Variants in MSH3 observed in about 807,000 individuals in gnomAD.
MSH3 encodes the protein DNA mismatch repair protein Msh3.
In MSH3, 106 loss-of-function variants were observed where a neutral mutation model predicts 123.3. The ratio of observed to expected loss-of-function variants is 0.86; its 90% confidence interval spans 0.73 to 1.01. The LOEUF is 1.01. MSH3 is among the 50% of genes least tolerant of loss of function. The pLI is 0.00. For missense variants in MSH3, 1,459 were observed against 1,347.6 expected, an observed-to-expected ratio of 1.08 and a Z score of -1.29; for synonymous variants, 515 against 481.4, an observed-to-expected ratio of 1.07 and a Z score of -0.91.
At chr5:80,867,513 G>A (rs1198170226) in intron 22 of MSH3, among the ~76,000 whole-genome samples, 2 of 152,222 alleles carry the variant, frequency 1.3e-5, no homozygotes, top group African/African-American at 4.8e-5. Context: ...GATGGGCCTA[G>A]ATGAATCAGG....
At position 80,779,018 on chromosome 5, in the gene MSH3, G is replaced by A. The variant is rs190707298; in HGVS notation, c.2435+182G>A. Among the ~76,000 whole-genome samples the A allele has an allele frequency of 2.3e-3, 321 of 139,024 alleles. 1 individual carries two copies. The highest frequency in any genetic ancestry group is 6.5e-3 in the South Asian group (29 of 4,448). The allele number at this position is 139,024 out of a possible 152,430, so 91.2% of individuals were successfully genotyped here. On this transcript the variant is annotated intron_variant, in intron 17 of 23. Transcript: ENST00000265081. ...TTTACTTTTTTTTTTTTGATACTGA[G>A]TCTTGCTTTGTCACCGAGGCTGGAG... is the stretch of plus-strand genomic sequence containing the variant.
rs958313570 is a variant in MSH3 at position 80,871,547 on chromosome 5, G to C, written c.3131-1569G>C. Among the ~76,000 whole-genome samples the C allele has an allele frequency of 2.0e-5, 3 of 152,122 alleles. No homozygotes were observed. The South Asian group carries it at 6.2e-4, about 32-fold the overall frequency. On this transcript the variant is annotated intron_variant, in intron 22 of 23. Transcript: ENST00000265081. ...GCTCTTGCCAAGCCTCCCAATATCTGCTTCCAAGCCCACTCATGTGGCTGT... is the reference window on the plus strand; with the variant it reads ...GCTCTTGCCAAGCCTCCCAATATCTCCTTCCAAGCCCACTCATGTGGCTGT...
At chr5:80,862,897 ATT>A (rs1746037780) in intron 21 of MSH3, among the ~76,000 whole-genome samples, 1 of 152,232 alleles carries the variant, frequency 6.6e-6, no homozygotes, top group Non-Finnish European at 1.5e-5. Context: ...TTTAATCAAC[ATT>A]TAATAACGAC....
Position 80,725,525 on chromosome 5 carries a change from A to G in MSH3, c.1413A>G (p.Ala471=). 6 of 1,614,022 alleles carry G rather than the reference A, an allele frequency of 3.7e-6. No homozygotes were observed. Among genetic ancestry groups the G allele is most frequent in the Non-Finnish European group, 5.1e-6 (6 of 1,179,924 alleles). The change falls in exon 9 of 24, where the codon GCA becomes GCG. Residue 471 remains alanine, a synonymous_variant. Transcript: ENST00000265081. ...IYFEYSHAFQ[A]VTEFYAKDTV... ...TTGAATACAGCCATGCTTTCCAGGC[A>G]GTTACAGAGTTTTATGCAAAAGATA...
At chr5:80,796,528 C>G (rs796172442) in intron 19 of MSH3, among the ~76,000 whole-genome samples, 5 of 149,594 alleles carry the variant, frequency 3.3e-5, no homozygotes, top group Admixed American at 1.3e-4. Context: ...AAAGAACTTA[C>G]GTAAAATTCA....
rs1005425343 is a variant in MSH3, at chr5:80,755,918, C to T, written c.1764-5628C>T. Among the ~76,000 whole-genome samples, 7 of 151,988 alleles carry T rather than the reference C, an allele frequency of 4.6e-5. No individual in the cohort carries two copies. The East Asian group carries it at 9.6e-4, about 21-fold the overall frequency. On this transcript the variant is annotated intron_variant, in intron 12 of 23. Coordinates refer to ENST00000265081, the MANE Select transcript of MSH3 (RefSeq NM_002439.5). ...TTTCTAAGAATTCTTAACCACAGGC[C>T]CTCCCTCATAGATTTTCAGTTTCAA...
At chr5:80,872,533 C>T (rs1450734350) in intron 22 of MSH3, among the ~76,000 whole-genome samples, 1 of 150,448 alleles carries the variant, frequency 6.6e-6, no homozygotes, top group African/African-American at 2.5e-5. Context: ...CATCCTGGCG[C>T]AGTGGCTCAC....
At chr5:80,689,089 G>T (rs1750167242) in intron 8 of MSH3, among the ~76,000 whole-genome samples, 1 of 152,184 alleles carries the variant, frequency 6.6e-6, no homozygotes, top group South Asian at 2.1e-4. Flanking sequence ...GTGGTCACAG[G>T]ATGAGAAAAG....
In MSH3 at chr5:80,665,447, G is replaced by A; in HGVS notation, c.579+84G>A. ...GTCAGGTTCTCTGAGGTCATTCATG[G>A]CAATGGTTCCTAAACTTGGATGGTC... On this transcript the variant is annotated intron_variant, in intron 3 of 23. Transcript: ENST00000265081. 3.9e-6 allele frequency: 4 copies of A among 1,037,404 alleles called. No individual in the cohort carries two copies. In the South Asian group the frequency reaches 5.5e-5, roughly 14 times the overall value. The allele number at this position is 1,037,404 out of a possible 1,614,324, so 64.3% of individuals were successfully genotyped here.
rs1580071875 is a variant in MSH3 at position 80,823,529 on chromosome 5, T to C, written c.2813+9788T>C. 3.3e-5 allele frequency among the ~76,000 whole-genome samples: 5 copies of C among 152,184 alleles called. No individual in the cohort carries two copies. In the East Asian group the frequency reaches 9.6e-4, roughly 29 times the overall value. On this transcript the variant is annotated intron_variant, in intron 20 of 23. Coordinates refer to ENST00000265081, the MANE Select transcript of MSH3 (RefSeq NM_002439.5). ...CTTCTTCCTTTAGGAGTTGATGGCATTCTGTCTGGGAGAGAATACAAGATT... is the reference window on the plus strand; with the variant it reads ...CTTCTTCCTTTAGGAGTTGATGGCACTCTGTCTGGGAGAGAATACAAGATT...
At chr5:80,791,986 A>G (rs1744613988) in intron 18 of MSH3, among the ~76,000 whole-genome samples, 1 of 152,220 alleles carries the variant, frequency 6.6e-6, no homozygotes, top group East Asian at 1.9e-4. Context: ...AAGAACATCA[A>G]GGTCAAAAAA....
intron 8 of MSH3, among the ~76,000 whole-genome samples, chr5:80,693,553 A>G (rs1290475391): frequency 6.7e-6 from 1 of 149,090 alleles, no homozygotes; most frequent in Non-Finnish European, 1.5e-5. Context: ...ATGCACATGT[A>G]TGTGTTTATA....
At chr5:80,790,530 A>G in intron 18 of MSH3, among the ~76,000 whole-genome samples, 1 of 152,242 alleles carries the variant, frequency 6.6e-6, no homozygotes, top group East Asian at 1.9e-4. Flanking sequence ...TTGTTTTAAC[A>G]TTGTTTATCA....
chr5:80,738,228 T>A (rs963332916), intron 10 of MSH3, among the ~76,000 whole-genome samples: 68 of 152,234 alleles, frequency 4.5e-4, no homozygotes, highest in African/African-American at 1.5e-3. Flanking sequence ...GTAAGCCTTC[T>A]ACCCCACCCC....
rs1433812370 is a variant in MSH3 at position 80,690,498 on chromosome 5, A to G, written c.1340+11405A>G. On this transcript the variant is annotated intron_variant, in intron 8 of 23. Coordinates refer to ENST00000265081, the MANE Select transcript of MSH3 (RefSeq NM_002439.5). ...AATTTTTGTATTTTTGTAGAGACGT[A>G]TTTTCGTAGGGGTTTCGCTGTGTAG... is the stretch of plus-strand genomic sequence containing the variant. 4.0e-5 allele frequency among the ~76,000 whole-genome samples: 6 copies of G among 151,648 alleles called. No individual in the cohort carries two copies. In the East Asian group the frequency reaches 1.2e-3, roughly 29 times the overall value.
intron 20 of MSH3, among the ~76,000 whole-genome samples, chr5:80,816,781 T>A (rs1580068197): frequency 6.6e-6 from 1 of 152,202 alleles, no homozygotes; most frequent in African/African-American, 2.4e-5. Flanking sequence ...GTATGGCAGC[T>A]GAGATAAATG....
At chr5:80,707,938 T>C (rs1226390967) in intron 8 of MSH3, among the ~76,000 whole-genome samples, 1 of 152,256 alleles carries the variant, frequency 6.6e-6, no homozygotes, top group Admixed American at 6.5e-5. Context: ...GATGTTTTCA[T>C]GTGCCTATTG....
chr5:80,689,425 A>T (rs1561443273), intron 8 of MSH3, among the ~76,000 whole-genome samples: 1 of 152,126 alleles, frequency 6.6e-6, no homozygotes, highest in Admixed American at 6.6e-5. Flanking sequence ...AAGTGAAAAA[A>T]GTCTATTTTA....
At chr5:80,835,715 G>C (rs1745496258) in intron 20 of MSH3, among the ~76,000 whole-genome samples, 1 of 152,114 alleles carries the variant, frequency 6.6e-6, no homozygotes, top group Non-Finnish European at 1.5e-5. Flanking sequence ...AGGAGTTCGA[G>C]ACCAGCCTAG....
Sources: allele counts gnomAD v4.1 joint callset (sites outside exome capture counted in the v4.1 genomes callset), GRCh38; gene constraint gnomAD v4.1.1; transcripts MANE v1.5; gene names NCBI Gene and HGNC (gene_info 2026-07-23, HGNC 2026-07-21).